The following LRRIQ1 variants were observed in gnomAD, a reference collection of about 807,000 sequenced individuals.
The protein encoded by LRRIQ1 is leucine rich repeats and IQ motif containing 1, also known as leucine-rich repeat- and IQ domain-containing protein 1.
LRRIQ1 carries 210 observed loss-of-function variants against 211.9 expected under a neutral mutation model. The ratio of observed to expected loss-of-function variants is 0.99; its 90% CI spans 0.89 to 1.11. The LOEUF (loss-of-function observed/expected upper bound fraction) is 1.11. LRRIQ1 is among the 50% of genes most tolerant of loss of function. LRRIQ1 has a pLI of 0.00. For synonymous variants in LRRIQ1, 699 were observed against 650.1 expected (o/e 1.08, Z -1.14); for missense variants, 2,136 against 1,939.5 (o/e 1.10, Z -1.90).
At position 85,124,337 on chromosome 12, in the gene LRRIQ1, C is replaced by A. The variant is rs1320499047; in HGVS notation, c.3825C>A (p.Ser1275=). 1 of 1,614,026 alleles carries A rather than the reference C, an allele frequency of 6.2e-7. No homozygotes were observed. Among genetic ancestry groups the A allele is most frequent in the South Asian group, 1.1e-5 (1 of 91,078 alleles). ...GGATGGACTCTGTCTCCAGCCACTC[C>A]CCATTAAGCAAATCCGCCACATGTG... The part of the protein sequence containing the change: ...EKWMDSVSSH[S]PLSKSATCEN... The change falls in exon 17 of 27, where the codon TCC becomes TCA. Residue 1275 remains serine, a synonymous_variant. Transcript: ENST00000393217.
chr12:85,058,769 C>A (rs373048369), intron 8 of LRRIQ1, among the ~76,000 whole-genome samples: 1 of 151,950 alleles, frequency 6.6e-6, no homozygotes, highest in African/African-American at 2.4e-5. Context: ...AATGTGGATT[C>A]TGATTCAATA....
At chr12:85,141,606 T>C (rs1222230918) in intron 19 of LRRIQ1, among the ~76,000 whole-genome samples, 1 of 150,624 alleles carries the variant, frequency 6.6e-6, no homozygotes, top group African/African-American at 2.4e-5. Context: ...GCTACTGTTT[T>C]CATAACGTAT....
chr12:85,234,683 G>A, intron 26 of LRRIQ1, among the ~76,000 whole-genome samples: 1 of 151,812 alleles, frequency 6.6e-6, no homozygotes. Context: ...ATAACTAGGA[G>A]GAAAACTGAA....
intron 26 of LRRIQ1, among the ~76,000 whole-genome samples, chr12:85,240,149 CAG>C (rs1177557329): frequency 1.3e-5 from 2 of 152,054 alleles, no homozygotes; most frequent in Admixed American, 6.6e-5. Context: ...AGAAAATAAA[CAG>C]AAATGAAAAG....
intron 10 of LRRIQ1, among the ~76,000 whole-genome samples, chr12:85,069,309 A>G (rs1423615549): frequency 6.6e-6 from 1 of 151,998 alleles, no homozygotes; most frequent in African/African-American, 2.4e-5. Context: ...CATGGTGTAT[A>G]TGTGCCACAT....
intron 24 of LRRIQ1, among the ~76,000 whole-genome samples, chr12:85,163,034 C>T (rs2136747783): frequency 6.6e-6 from 1 of 152,054 alleles, no homozygotes; most frequent in South Asian, 2.1e-4. Context: ...CAAGTTGAAC[C>T]CCATGTTGTC....
At chr12:85,072,822 A>C in intron 10 of LRRIQ1, 85 bp from the exon 11 acceptor site, 1 of 872,538 alleles carries the variant, frequency 1.1e-6, no homozygotes, top group Non-Finnish European at 1.6e-6. Flanking sequence ...CTCCAGGTTT[A>C]AATTTTTTTC....
chr12:85,176,132 C>T (rs532055531), intron 24 of LRRIQ1, among the ~76,000 whole-genome samples: 1 of 152,204 alleles, frequency 6.6e-6, no homozygotes, highest in South Asian at 2.1e-4. Flanking sequence ...TTCTTCCTAC[C>T]CATGAGCATG....
At chr12:85,189,267 T>C (rs2136927484) in intron 24 of LRRIQ1, among the ~76,000 whole-genome samples, 1 of 152,208 alleles carries the variant, frequency 6.6e-6, no homozygotes, top group Admixed American at 6.6e-5. Context: ...AAGAGACAGA[T>C]TGCATATCAG....
chr12:85,197,030 C>G (rs1485266879), intron 24 of LRRIQ1, among the ~76,000 whole-genome samples: 1 of 151,210 alleles, frequency 6.6e-6, no homozygotes, highest in Admixed American at 6.6e-5. Context: ...CATGAACAGA[C>G]ACTTCTCAAA....
chr12:85,269,743 T>G, the LRRIQ1 span, among the ~76,000 whole-genome samples: 18 of 152,002 alleles, frequency 1.2e-4, no homozygotes, highest in African/African-American at 3.4e-4. Context: ...AGCTAGAATT[T>G]CTAAGATTAT....
intron 24 of LRRIQ1, among the ~76,000 whole-genome samples, chr12:85,202,051 G>T (rs905962907): frequency 7.9e-5 from 12 of 152,048 alleles, no homozygotes; most frequent in Non-Finnish European, 8.8e-5. Flanking sequence ...TTACCCAAAA[G>T]TCATTCAGGA....
At chr12:85,224,307 A>G (rs971416922) in intron 24 of LRRIQ1, among the ~76,000 whole-genome samples, 2 of 152,142 alleles carry the variant, frequency 1.3e-5, no homozygotes, top group Admixed American at 6.6e-5. Context: ...GGGAGTGTAA[A>G]TTAGTTCAAC....
chr12:85,175,976 C>G (rs1891678260), intron 24 of LRRIQ1, among the ~76,000 whole-genome samples: 1 of 152,108 alleles, frequency 6.6e-6, no homozygotes, highest in African/African-American at 2.4e-5. Flanking sequence ...TTAGGATTGA[C>G]TTGGCGGTGC....
At chr12:85,063,713 GTAACCATCATTTGACTTTC>G (rs1882115269) in intron 8 of LRRIQ1, among the ~76,000 whole-genome samples, 1 of 150,924 alleles carries the variant, frequency 6.6e-6, no homozygotes, top group Non-Finnish European at 1.5e-5. Context: ...CCAGCCTCTG[GTAACCATCATTTGACTTTC>G]TAATCCTATG....
intron 15 of LRRIQ1, among the ~76,000 whole-genome samples, chr12:85,113,289 C>T (rs1887317541): frequency 6.6e-6 from 1 of 152,016 alleles, no homozygotes; most frequent in Non-Finnish European, 1.5e-5. Flanking sequence ...TTCATTTACG[C>T]AGAGAGTTTA....
chr12:85,074,842 AT>A (rs1308827059), intron 11 of LRRIQ1, among the ~76,000 whole-genome samples: 1 of 152,064 alleles, frequency 6.6e-6, no homozygotes, highest in African/African-American at 2.4e-5. Flanking sequence ...TTGAGTCAGT[AT>A]TTTTCAGTTA....
intron 1 of LRRIQ1, among the ~76,000 whole-genome samples, chr12:85,252,494 T>A: frequency 6.6e-6 from 1 of 151,950 alleles, no homozygotes; most frequent in East Asian, 1.9e-4. Flanking sequence ...GAAGTTTTTA[T>A]ACAAGTATGA....
chr12:85,271,958 T>C, the LRRIQ1 span, among the ~76,000 whole-genome samples: 1 of 152,094 alleles, frequency 6.6e-6, no homozygotes. Context: ...GTGAAAATAT[T>C]GGATAAAGGT....
Sources: allele counts gnomAD v4.1 joint callset (sites outside exome capture counted in the v4.1 genomes callset), GRCh38; gene constraint gnomAD v4.1.1; transcripts MANE v1.5; gene names NCBI Gene and HGNC (gene_info 2026-07-23, HGNC 2026-07-21).